SDK1: variants seen among roughly 807,000 people sequenced by gnomAD.
SDK1 encodes the protein protein sidekick-1.
A neutral mutation model predicts 245.5 loss-of-function variants in SDK1; 157 were observed. The ratio of observed to expected loss-of-function variants is 0.64; its 90% CI spans 0.56 to 0.73. SDK1 has a LOEUF of 0.73. SDK1 is among the 30% of genes least tolerant of loss of function. The pLI is 0.00. For missense variants in SDK1, 3,583 were observed against 3,002.3 expected (o/e 1.19, Z -4.52); for synonymous variants, 1,647 against 1,278.5 (o/e 1.29, Z -6.15).
At chr7:3,727,201 A>T (rs887400688) in intron 4 of SDK1, among the ~76,000 whole-genome samples, 10 of 152,260 alleles carry the variant, frequency 6.6e-5, no homozygotes, top group Admixed American at 6.5e-4. Context: ...CTCACTGATT[A>T]TGTACATGGC....
At chr7:3,645,108 G>A (rs1432863731) in intron 4 of SDK1, among the ~76,000 whole-genome samples, 2 of 152,300 alleles carry the variant, frequency 1.3e-5, no homozygotes, top group African/African-American at 2.4e-5. Flanking sequence ...ACTTATTCAC[G>A]AGTATGACAG....
chr7:3,900,227 A>G (rs1781740479), intron 5 of SDK1, among the ~76,000 whole-genome samples: 1 of 152,202 alleles, frequency 6.6e-6, no homozygotes, highest in South Asian at 2.1e-4. Flanking sequence ...GCATTTGTAT[A>G]TTTTTAAAAT....
chr7:4,192,182 G>C (rs567498234), intron 35 of SDK1, among the ~76,000 whole-genome samples: 2 of 152,350 alleles, frequency 1.3e-5, no homozygotes, highest in Non-Finnish European at 2.9e-5. Context: ...CAGATGGAAG[G>C]TTTGGGGCAG....
At position 3,927,884 on chromosome 7, in the gene SDK1, C is replaced by T. The variant is rs139260150; in HGVS notation, c.848-23039C>T. On this transcript the variant is annotated intron_variant, in intron 5 of 44. Transcript: ENST00000404826. Reference sequence around the variant, plus strand: ...AAGTTAACAAATGGTTGTTCCTCACCGCAGAACTACAGGAATGACCCTTAC... The same window carrying T: ...AAGTTAACAAATGGTTGTTCCTCACTGCAGAACTACAGGAATGACCCTTAC... Among the ~76,000 whole-genome samples the T allele has an allele frequency of 2.0e-4, 31 of 152,222 alleles. 1 individual carries two copies. The East Asian group carries it at 3.7e-3, about 18-fold the overall frequency.
At chr7:3,395,756 G>A (rs952468052) in intron 1 of SDK1, among the ~76,000 whole-genome samples, 2 of 151,804 alleles carry the variant, frequency 1.3e-5, no homozygotes, top group Non-Finnish European at 1.5e-5. Context: ...GTCTATTTAA[G>A]TTGTTGAATT....
intron 5 of SDK1, among the ~76,000 whole-genome samples, chr7:3,919,392 G>A (rs1779507068): frequency 6.6e-6 from 1 of 152,160 alleles, no homozygotes; most frequent in Admixed American, 6.5e-5. Flanking sequence ...ACCATCTACT[G>A]CTGCAGGTCA....
At chr7:3,538,286 G>C (rs1778950356) in intron 1 of SDK1, among the ~76,000 whole-genome samples, 1 of 152,134 alleles carries the variant, frequency 6.6e-6, no homozygotes, top group Non-Finnish European at 1.5e-5. Context: ...ATGTTTTCCA[G>C]CTGTCCGCAT....
intron 1 of SDK1, among the ~76,000 whole-genome samples, chr7:3,316,569 A>G (rs1779667202): frequency 6.6e-6 from 1 of 152,318 alleles, no homozygotes; most frequent in Non-Finnish European, 1.5e-5. Context: ...TTGGAGCATT[A>G]TGTATATATG....
chr7:3,507,137 G>A (rs908247737), intron 1 of SDK1, among the ~76,000 whole-genome samples: 42 of 152,074 alleles, frequency 2.8e-4, no homozygotes, highest in African/African-American at 1.0e-3. Flanking sequence ...GAATGCCCTA[G>A]GTGTTTACTG....
At chr7:3,420,664 A>G (rs1413097729) in intron 1 of SDK1, among the ~76,000 whole-genome samples, 1 of 152,222 alleles carries the variant, frequency 6.6e-6, no homozygotes, top group Non-Finnish European at 1.5e-5. Flanking sequence ...TTGTTATTTT[A>G]GAGAAAGTAA....
intron 38 of SDK1, among the ~76,000 whole-genome samples, chr7:4,215,441 G>A (rs1784742739): frequency 6.6e-6 from 1 of 152,250 alleles, no homozygotes; most frequent in African/African-American, 2.4e-5. Context: ...AAAAGCATTT[G>A]CACGTGGGAG....
intron 22 of SDK1, among the ~76,000 whole-genome samples, chr7:4,097,295 T>G (rs1457365195): frequency 9.9e-6 from 1 of 101,460 alleles, no homozygotes; most frequent in Non-Finnish European, 2.0e-5. Context: ...GTTGCTGTGT[T>G]TGGTACAGTA....
intron 11 of SDK1, among the ~76,000 whole-genome samples, chr7:3,969,740 C>T (rs1488761098): frequency 2.0e-5 from 3 of 152,096 alleles, no homozygotes; most frequent in Non-Finnish European, 2.9e-5. Context: ...ATTTTATAAG[C>T]ATTTTATAAG....
chr7:3,622,055 G>A (rs1376410101), intron 2 of SDK1, among the ~76,000 whole-genome samples: 1 of 152,156 alleles, frequency 6.6e-6, no homozygotes, highest in Non-Finnish European at 1.5e-5. Context: ...GCTTAATATA[G>A]GCTAGGCTAA....
intron 22 of SDK1, among the ~76,000 whole-genome samples, chr7:4,110,270 G>A (rs936983944): frequency 1.3e-5 from 2 of 152,268 alleles, no homozygotes; most frequent in Middle Eastern, 3.4e-3. Flanking sequence ...CATGGTCCTG[G>A]CCAAGTCTTC....
intron 4 of SDK1, among the ~76,000 whole-genome samples, chr7:3,761,310 G>T (rs988017930): frequency 8.9e-6 from 1 of 112,088 alleles, no homozygotes; most frequent in Non-Finnish European, 1.7e-5. Context: ...TTAGTTATTA[G>T]GTGGCAACTC....
At chr7:3,510,373 C>T (rs1002277859) in intron 1 of SDK1, among the ~76,000 whole-genome samples, 1 of 152,240 alleles carries the variant, frequency 6.6e-6, no homozygotes, top group Admixed American at 6.5e-5. Flanking sequence ...GTGGCTGCTC[C>T]AAGTTTTTTA....
At chr7:3,916,369 T>G (rs1779381034) in intron 5 of SDK1, among the ~76,000 whole-genome samples, 1 of 152,226 alleles carries the variant, frequency 6.6e-6, no homozygotes, top group Non-Finnish European at 1.5e-5. Flanking sequence ...AGGCAGTGTT[T>G]TGCATGACTC....
chr7:3,787,208 T>C (rs990252387), intron 4 of SDK1, among the ~76,000 whole-genome samples: 2 of 151,362 alleles, frequency 1.3e-5, no homozygotes, highest in African/African-American at 4.9e-5. Context: ...AAAACTTTTC[T>C]CAGTGGACTA....
Sources: allele counts gnomAD v4.1 joint callset (sites outside exome capture counted in the v4.1 genomes callset), GRCh38; gene constraint gnomAD v4.1.1; transcripts MANE v1.5; gene names NCBI Gene and HGNC (gene_info 2026-07-23, HGNC 2026-07-21).